Variants in DDX25 observed in about 807,000 individuals in gnomAD.
DDX25 encodes ATP-dependent RNA helicase DDX25.
In DDX25, 70 loss-of-function variants were observed where a neutral mutation model predicts 64.6. The ratio of observed to expected loss-of-function variants is 1.08; its 90% CI spans 0.89 to 1.32. The LOEUF is 1.32. Among genes scored for constraint, DDX25 ranks in the 40% most tolerant of loss-of-function variants. The pLI is 0.00. For missense variants in DDX25, 587 were observed against 604.4 expected, an observed-to-expected ratio of 0.97 and a Z score of 0.30; for synonymous variants, 211 against 213.3, an observed-to-expected ratio of 0.99 and a Z score of 0.09.
At chr11:125,909,576 C>T (rs1944938184) in intron 6 of DDX25, among the ~76,000 whole-genome samples, 1 of 151,184 alleles carries the variant, frequency 6.6e-6, no homozygotes, top group South Asian at 2.1e-4. Context: ...TTATATATAT[C>T]ATATTATGTA....
intron 10 of DDX25, among the ~76,000 whole-genome samples, chr11:125,920,480 A>G (rs1167091542): frequency 6.6e-6 from 1 of 152,120 alleles, no homozygotes; most frequent in Non-Finnish European, 1.5e-5. Context: ...GTAGCAGTTC[A>G]GTTGAATGAG....
In DDX25 at chr11:125,905,195, T is replaced by G; in HGVS notation, c.64-17T>G. ...GCTTGCATCCTAATATTGGTTGAAA[T>G]TTGTGTCTCTCAATAGTTTTCAAAC... On this transcript the variant is annotated splice_polypyrimidine_tract_variant and intron_variant, in intron 1 of 11. Coordinates refer to ENST00000263576, the MANE Select transcript of DDX25 (RefSeq NM_013264.5). 6.4e-7 allele frequency: 1 copy of G among 1,551,266 alleles called. No homozygotes were observed. Among genetic ancestry groups the G allele is most frequent in the Non-Finnish European group, 8.7e-7 (1 of 1,146,734 alleles).
chr11:125,925,738 A>C lies in DDX25; in HGVS notation c.*2857A>C. 3.9e-6 allele frequency: 1 copy of C among 258,342 alleles called. No individual in the cohort carries two copies. Among genetic ancestry groups the C allele is most frequent in the South Asian group, 3.9e-5 (1 of 25,712 alleles). The allele number at this position is 258,342 out of a possible 1,614,324, so 16.0% of individuals were successfully genotyped here. On this transcript the variant is annotated 3_prime_UTR_variant, in exon 12 of 12. Coordinates refer to ENST00000263576, the MANE Select transcript of DDX25 (RefSeq NM_013264.5). ...TGTGATTTCCAGTGGGTAAGTGAAC[A>C]CCTCGCATGGAACACGGCTGCTATG...
At chr11:125,919,991 C>A (rs754725135) in intron 10 of DDX25, among the ~76,000 whole-genome samples, 6 of 152,096 alleles carry the variant, frequency 3.9e-5, no homozygotes, top group Non-Finnish European at 7.4e-5. Flanking sequence ...TAACCCTAGA[C>A]CCTAGAGGAA....
At position 125,908,381 on chromosome 11, in the gene DDX25, T is replaced by A. The variant is rs1944923597; in HGVS notation, c.405-20T>A. ...TCTCTTGTATTCAGTTTATGCCCAG[T>A]GGTCTTCTCTTTTCTACAGACCCCA... On this transcript the variant is annotated intron_variant, in intron 5 of 11. Coordinates refer to ENST00000263576, the MANE Select transcript of DDX25 (RefSeq NM_013264.5). 1 of 1,613,810 alleles carries A rather than the reference T, an allele frequency of 6.2e-7. No individual in the cohort carries two copies. The highest frequency in any genetic ancestry group is 1.3e-5 in the African/African-American group (1 of 75,038).
intron 4 of DDX25, among the ~76,000 whole-genome samples, chr11:125,907,418 C>G (rs1030558180): frequency 5.9e-5 from 9 of 152,214 alleles, no homozygotes; most frequent in African/African-American, 9.6e-5. Context: ...ACCATCCTGG[C>G]TAACACAGTG....
intron 8 of DDX25, among the ~76,000 whole-genome samples, chr11:125,912,536 CTT>C (rs1944979831): frequency 6.6e-6 from 1 of 152,144 alleles, no homozygotes; most frequent in Admixed American, 6.5e-5. Context: ...TACACATCCT[CTT>C]GTGTACTTTA....
chr11:125,921,017 A>G lies in DDX25; in HGVS notation c.1202-174A>G. 2 of 621,884 alleles carry G rather than the reference A, an allele frequency of 3.2e-6. No individual in the cohort carries two copies. Among genetic ancestry groups the G allele is most frequent in the Non-Finnish European group, 5.5e-6 (2 of 361,424 alleles). The allele number at this position is 621,884 out of a possible 1,614,324, so 38.5% of individuals were successfully genotyped here. ...GACACGCTCATCTAGCATCATAGAC[A>G]TCACAGCATGCAAGCAAACTTCCTA... On this transcript the variant is annotated intron_variant, in intron 10 of 11. Transcript: ENST00000263576. This position sits in a 1 kb window ranked among gnomAD's most constrained non-coding sequence, Gnocchi z 4.1.
rs750226699 is a variant in DDX25 at position 125,922,863 on chromosome 11, T to C, written c.1434T>C (p.Ile478=). The stretch of plus-strand genomic sequence containing the variant: ...TCAACGCTGAAGACATGGATGAAAT[T>C]GAAAAGATTGACTATTGAAGAAAGA... ...KQLNAEDMDE[I]EKIDY is the part of the protein sequence containing the mutation. The change falls in exon 12 of 12, where the codon ATT becomes ATC. Residue 478 remains isoleucine, a synonymous_variant. Coordinates refer to ENST00000263576, the MANE Select transcript of DDX25 (RefSeq NM_013264.5). 3.1e-6 allele frequency: 5 copies of C among 1,608,868 alleles called. No individual in the cohort carries two copies. The Admixed American group carries it at 6.7e-5, about 22-fold the overall frequency.
rs5795465 is a variant in DDX25 at position 125,908,179 on chromosome 11, AT to A, written c.312-6del. On this transcript the variant is annotated splice_polypyrimidine_tract_variant and intron_variant, in intron 4 of 11. Transcript: ENST00000263576. ...ACCAACTATAATCTGTAAGTGTTTG[AT>A]TTTTTTTTTTGACAGAAAGGAAGAG... 0.68 allele frequency: 974,044 copies of A among 1,423,416 alleles called. 311,945 individuals carry two copies. The highest frequency in any genetic ancestry group is 0.8 in the African/African-American group (55,759 of 69,980). The allele number at this position is 1,423,416 out of a possible 1,614,324, so 88.2% of individuals were successfully genotyped here.
chr11:125,920,635 C>CGTA (rs1945097639), intron 10 of DDX25, among the ~76,000 whole-genome samples: 1 of 151,978 alleles, frequency 6.6e-6, no homozygotes, highest in Admixed American at 6.5e-5. Context: ...GGGTTTTGAA[C>CGTA]GTAAGTGTGC....
At position 125,921,133 on chromosome 11, in the gene DDX25, A is replaced by C; in HGVS notation, c.1202-58A>C. Reference sequence around the variant, plus strand: ...ATTCCCTTGGCAGACGTGGTACTTGAATGGCCCGTGTACTGAGGAAAGCAT... The same window carrying C: ...ATTCCCTTGGCAGACGTGGTACTTGCATGGCCCGTGTACTGAGGAAAGCAT... On this transcript the variant is annotated intron_variant, in intron 10 of 11. Transcript: ENST00000263576. The surrounding 1 kb of genome is among the most constrained non-coding windows in gnomAD (Gnocchi z 4.1). 1 of 1,479,400 alleles carries C rather than the reference A, an allele frequency of 6.8e-7. No homozygotes were observed. The highest frequency in any genetic ancestry group is 1.4e-5 in the South Asian group (1 of 73,850). The allele number at this position is 1,479,400 out of a possible 1,614,324, so 91.6% of individuals were successfully genotyped here.
intron 6 of DDX25, among the ~76,000 whole-genome samples, chr11:125,909,373 A>T (rs1480922731): frequency 3.9e-5 from 6 of 152,208 alleles, no homozygotes; most frequent in African/African-American, 1.4e-4. Flanking sequence ...CATTTTGAAA[A>T]ATGTGTGGGA....
rs1221386507 is a variant in DDX25, at chr11:125,921,531, A to G, written c.1390+152A>G. On this transcript the variant is annotated intron_variant, in intron 11 of 11. Transcript: ENST00000263576. The surrounding 1 kb of genome is among the most constrained non-coding windows in gnomAD (Gnocchi z 4.1). ...TTCTAATTCACAGGACCAGGGTTCT[A>G]ATATGAGACAGATGATTAAATAATG... The G allele has an allele frequency of 1.3e-6, 1 of 773,836 alleles. No homozygotes were observed. Among genetic ancestry groups the G allele is most frequent in the African/African-American group, 1.8e-5 (1 of 57,110 alleles). 47.9% of individuals were successfully genotyped at this position (773,836 alleles called of 1,614,324 possible). A position where few individuals can be genotyped will look rare whatever the true frequency, so the allele number is the denominator to read the frequency against.
chr11:125,909,740 C>A (rs183093952), intron 6 of DDX25, among the ~76,000 whole-genome samples: 3 of 151,882 alleles, frequency 2.0e-5, no homozygotes, highest in Non-Finnish European at 2.9e-5. Flanking sequence ...CCTTTGCCCC[C>A]CCGGGTTCAA....
At chr11:125,917,276 T>A (rs751696761) in intron 9 of DDX25, 25 bp downstream of exon 9, 9 of 1,571,672 alleles carry the variant, frequency 5.7e-6, no homozygotes, top group African/African-American at 5.4e-5. Flanking sequence ...TGTGTCTTCA[T>A]CGAGCCCAGA....
chr11:125,904,671 G>C (rs1374378109), intron 1 of DDX25, 91 bp downstream of exon 1: 1 of 1,379,726 alleles, frequency 7.2e-7, no homozygotes, highest in East Asian at 2.8e-5. Context: ...GAGAGCCCGC[G>C]AGCGTTCGAA....
chr11:125,907,492 T>C (rs2471477), intron 4 of DDX25, among the ~76,000 whole-genome samples: 93,050 of 151,206 alleles, frequency 0.62, 30,292 homozygotes, highest in South Asian at 0.73. Flanking sequence ...CCTGTAGTCC[T>C]AGCTACTCGG....
intron 4 of DDX25, among the ~76,000 whole-genome samples, chr11:125,907,335 G>A (rs147349814): frequency 1.4e-3 from 219 of 152,298 alleles, no homozygotes; most frequent in African/African-American, 4.7e-3. Context: ...TTGGCCGGGC[G>A]CGGTGGCTCA....
Sources: gnomAD v4.1 joint callset for allele counts (sites outside exome capture counted in the v4.1 genomes callset) on GRCh38, gnomAD v4.1.1 for gene constraint, Gnocchi (gnomAD v3.1) non-coding constraint, MANE v1.5 for transcripts, NCBI Gene and HGNC (gene_info 2026-07-23, HGNC 2026-07-21) for gene names.